TMPRSS12: variants seen among roughly 807,000 people sequenced by gnomAD.
TMPRSS12 encodes the protein transmembrane protease serine 12.
A neutral mutation model predicts 26.0 loss-of-function variants in TMPRSS12; 25 were observed. The ratio of observed to expected loss-of-function variants is 0.96; its 90% confidence interval spans 0.70 to 1.34. TMPRSS12 has a LOEUF of 1.34. TMPRSS12 is among the 40% of genes most tolerant of loss of function. The pLI is 0.00. For synonymous variants in TMPRSS12, 150 were observed against 161.7 expected (o/e 0.93, Z 0.55); for missense variants, 441 against 440.1 (o/e 1.00, Z -0.02).
chr12:50,856,024 TGAA>T (rs2139723557), intron 2 of TMPRSS12, among the ~76,000 whole-genome samples: 1 of 152,210 alleles, frequency 6.6e-6, no homozygotes, highest in South Asian at 2.1e-4. Context: ...CACATGGACA[TGAA>T]GAAGGGAATA....
rs1937939357 is a variant in TMPRSS12, at chr12:50,861,884, A to T, written c.652+2831A>T. Among the ~76,000 whole-genome samples the T allele has an allele frequency of 3.3e-5, 5 of 150,096 alleles. No individual in the cohort carries two copies. The South Asian group carries it at 1.1e-3, about 32-fold the overall frequency. On this transcript the variant is annotated intron_variant, in intron 3 of 4. Coordinates refer to ENST00000398458, the MANE Select transcript of TMPRSS12 (RefSeq NM_182559.3). ...GAGTGCAGTGGCGCAATCTCGGCTCATTGCAACCTTTGCCTCTTGGGTTCA... is the reference window on the plus strand; with the variant it reads ...GAGTGCAGTGGCGCAATCTCGGCTCTTTGCAACCTTTGCCTCTTGGGTTCA...
At chr12:50,875,971 A>G (rs1938109480) in intron 3 of TMPRSS12, among the ~76,000 whole-genome samples, 1 of 152,240 alleles carries the variant, frequency 6.6e-6, no homozygotes, top group South Asian at 2.1e-4. Context: ...CAGACAACCT[A>G]CAGAATGAGA....
At chr12:50,866,395 C>G (rs1419029663) in intron 3 of TMPRSS12, among the ~76,000 whole-genome samples, 1 of 152,098 alleles carries the variant, frequency 6.6e-6, no homozygotes, top group African/African-American at 2.4e-5. Flanking sequence ...CATGACTCAG[C>G]AGAGGCAGCC....
intron 1 of TMPRSS12, among the ~76,000 whole-genome samples, chr12:50,843,600 G>T (rs1348897409): frequency 1.3e-5 from 2 of 152,078 alleles, no homozygotes; most frequent in East Asian, 3.8e-4. Flanking sequence ...TTATATTTTT[G>T]GGGAATAGAG....
Position 50,859,043 on chromosome 12 carries a change from A to T in TMPRSS12, c.642A>T (p.Thr214=), listed in dbSNP as rs759448159. 2 of 1,584,300 alleles carry T rather than the reference A, an allele frequency of 1.3e-6. No homozygotes were observed. Among genetic ancestry groups the T allele is most frequent in the Non-Finnish European group, 1.7e-6 (2 of 1,168,674 alleles). ...TKCFISGWGR[T]KEEGNATNIL... is the part of the protein sequence containing the mutation. ...GTTTTATAAGTGGCTGGGGAAGAACAAAAGAAGAAGGTAATTATGGTCTGA... is the reference window on the plus strand; with the variant it reads ...GTTTTATAAGTGGCTGGGGAAGAACTAAAGAAGAAGGTAATTATGGTCTGA... The change falls in exon 3 of 5, where the codon ACA becomes ACT. Residue 214 remains threonine, a synonymous_variant. Coordinates refer to ENST00000398458, the MANE Select transcript of TMPRSS12 (RefSeq NM_182559.3).
Position 50,858,784 on chromosome 12 carries a change from G to A in TMPRSS12, c.384-1G>A. 1 of 1,531,138 alleles carries A rather than the reference G, an allele frequency of 6.5e-7. No homozygotes were observed. Among genetic ancestry groups the A allele is most frequent in the Non-Finnish European group, 8.7e-7 (1 of 1,145,184 alleles). 94.8% of individuals were successfully genotyped at this position (1,531,138 alleles called of 1,614,324 possible). On this transcript the variant is annotated splice_acceptor_variant, in intron 2 of 4. Coordinates refer to ENST00000398458, the MANE Select transcript of TMPRSS12 (RefSeq NM_182559.3). LOFTEE classifies it high-confidence loss of function. ...TAATAAGAATGTTTACTTTCTTTCA[G>A]CGATCCTTTAATGTGGACAGCTGTG...
At position 50,887,544 on chromosome 12, in the gene TMPRSS12, T is replaced by C. The variant is rs374549330; in HGVS notation, c.*31T>C. Reference sequence around the variant, plus strand: ...TTCTGAAGGCTTTCATATCTTTATTTTGCATTGTGTCCCTTTCTATGTTCT... The same window carrying C: ...TTCTGAAGGCTTTCATATCTTTATTCTGCATTGTGTCCCTTTCTATGTTCT... On this transcript the variant is annotated 3_prime_UTR_variant, in exon 5 of 5. Transcript: ENST00000398458. 6.3e-7 allele frequency: 1 copy of C among 1,597,532 alleles called. No homozygotes were observed. Among genetic ancestry groups the C allele is most frequent in the Non-Finnish European group, 8.5e-7 (1 of 1,173,292 alleles).
At chr12:50,844,958 G>A (rs556475580) in intron 2 of TMPRSS12, among the ~76,000 whole-genome samples, 2 of 152,276 alleles carry the variant, frequency 1.3e-5, no homozygotes, top group Admixed American at 6.5e-5. Context: ...AAGCCAAGAC[G>A]GGAGGATCAC....
chr12:50,858,757 T>TATACTTATACATACTTATA lies in TMPRSS12; in HGVS notation c.384-25_384-24insCTTATACATACTTATAATA, dbSNP rs1592219118. 17 of 1,454,204 alleles carry TATACTTATACATACTTATA rather than the reference T, an allele frequency of 1.2e-5. No homozygotes were observed. The East Asian group carries it at 4.0e-4, about 34-fold the overall frequency. 90.1% of individuals were successfully genotyped at this position (1,454,204 alleles called of 1,614,324 possible). On this transcript the variant is annotated intron_variant, in intron 2 of 4. Coordinates refer to ENST00000398458, the MANE Select transcript of TMPRSS12 (RefSeq NM_182559.3). ...ATGTACTTAGTTAATTAAAGATATT[T>TATACTTATACATACTTATA]ATAATAAGAATGTTTACTTTCTTTC...
intron 2 of TMPRSS12, among the ~76,000 whole-genome samples, chr12:50,846,422 G>A (rs1937768086): frequency 6.6e-6 from 1 of 152,054 alleles, no homozygotes; most frequent in South Asian, 2.1e-4. Flanking sequence ...GATGGTATTG[G>A]CATCTTCATT....
intron 3 of TMPRSS12, among the ~76,000 whole-genome samples, chr12:50,866,697 C>A (rs1937994132): frequency 6.6e-6 from 1 of 152,108 alleles, no homozygotes; most frequent in South Asian, 2.1e-4. Flanking sequence ...GACATTAAAC[C>A]ACCAAAGCTA....
chr12:50,885,372 C>G lies in TMPRSS12; in HGVS notation c.779C>G (p.Ala260Gly). Residue 260 changes from alanine (A) to glycine (G), a missense_variant, in exon 4 of 5, where the codon GCT becomes GGT. Coordinates refer to ENST00000398458, the MANE Select transcript of TMPRSS12 (RefSeq NM_182559.3). ...TSFCAGDEDG[A>G]FDTCRGDSGG... ...TTTTGTGCAGGTGATGAAGATGGAG[C>G]TTTTGATACTTGCAGGGTAAGACCA... The G allele has an allele frequency of 1.2e-6, 2 of 1,613,768 alleles. No individual in the cohort carries two copies. The highest frequency in any genetic ancestry group is 1.1e-5 in the South Asian group (1 of 91,082).
intron 3 of TMPRSS12, among the ~76,000 whole-genome samples, chr12:50,866,985 C>A (rs1427879643): frequency 6.6e-6 from 1 of 152,170 alleles, no homozygotes; most frequent in African/African-American, 2.4e-5. Context: ...TAAACAACAG[C>A]CTTCAGCCCT....
chr12:50,850,311 G>C lies in TMPRSS12; in HGVS notation c.383+6274G>C, dbSNP rs565252323. Among the ~76,000 whole-genome samples the C allele has an allele frequency of 2.1e-3, 325 of 152,230 alleles. 5 individuals are homozygous for C. The highest frequency in any genetic ancestry group is 7.5e-3 in the African/African-American group (311 of 41,528). On this transcript the variant is annotated intron_variant, in intron 2 of 4. Transcript: ENST00000398458. ...TGGATAGCACCAGCTAAGTGCATTG[G>C]CTCACACCTGTAATACCAGCACTTT...
At chr12:50,887,240 T>A (rs1565939196) in intron 4 of TMPRSS12, 22 bp from the exon 5 acceptor site, 2 of 1,607,970 alleles carry the variant, frequency 1.2e-6, no homozygotes, top group Admixed American at 3.4e-5. Flanking sequence ...TAACAAACAC[T>A]ATTTTGGGAC....
At chr12:50,880,981 T>C (rs1938158690) in intron 3 of TMPRSS12, among the ~76,000 whole-genome samples, 1 of 129,048 alleles carries the variant, frequency 7.7e-6, no homozygotes, top group Non-Finnish European at 1.6e-5. Flanking sequence ...TTTTTTTTTT[T>C]TTTTTTTTTT....
chr12:50,883,162 C>A (rs1334024639), intron 3 of TMPRSS12, among the ~76,000 whole-genome samples: 1 of 151,990 alleles, frequency 6.6e-6, no homozygotes, highest in Non-Finnish European at 1.5e-5. Flanking sequence ...GACACTGTTG[C>A]TACAAAAAAA....
At chr12:50,849,528 G>T (rs1296599826) in intron 2 of TMPRSS12, among the ~76,000 whole-genome samples, 2 of 152,062 alleles carry the variant, frequency 1.3e-5, no homozygotes, top group African/African-American at 4.8e-5. Context: ...ATGACCCTTT[G>T]TAGCCAACCC....
chr12:50,845,052 A>C (rs982657926), intron 2 of TMPRSS12, among the ~76,000 whole-genome samples: 1 of 152,184 alleles, frequency 6.6e-6, no homozygotes, highest in African/African-American at 2.4e-5. Context: ...TGTAAAAAAC[A>C]TGCTTTATGG....
Sources: gnomAD v4.1 joint callset for allele counts (sites outside exome capture counted in the v4.1 genomes callset) on GRCh38, gnomAD v4.1.1 for gene constraint, MANE v1.5 for transcripts, NCBI Gene and HGNC (gene_info 2026-07-23, HGNC 2026-07-21) for gene names.